Variants in MKLN1 observed in about 807,000 individuals in gnomAD.
MKLN1 encodes muskelin.
In MKLN1, 18 loss-of-function variants were observed where a neutral mutation model predicts 99.0. That is an observed-to-expected ratio of 0.18 (90% CI 0.13 to 0.27). The LOEUF (loss-of-function observed/expected upper bound fraction) is 0.27. MKLN1 is among the 10% of genes least tolerant of loss of function. MKLN1 has a pLI of 1.00. For synonymous variants in MKLN1, 288 were observed against 293.2 expected (o/e 0.98, Z 0.18); for missense variants, 621 against 875.9 (o/e 0.71, Z 3.67).
intron 2 of MKLN1, among the ~76,000 whole-genome samples, chr7:131,379,765 C>G (rs1793783157): frequency 6.6e-6 from 1 of 152,172 alleles, no homozygotes. Flanking sequence ...ACCCCATTCT[C>G]CACGATGTGC....
At chr7:131,114,079 T>C (rs1280224131) in intron 1 of MKLN1, among the ~76,000 whole-genome samples, 1 of 152,146 alleles carries the variant, frequency 6.6e-6, no homozygotes, top group Non-Finnish European at 1.5e-5. Context: ...ATGTCTAAAC[T>C]AAGGTAGCAA....
At chr7:131,316,172 C>T (rs551624130) in intron 3 of MKLN1, among the ~76,000 whole-genome samples, 3 of 152,336 alleles carry the variant, frequency 2.0e-5, no homozygotes, top group East Asian at 1.9e-4. Context: ...AACCTCCCAA[C>T]AGGGGTTGAC....
intron 6 of MKLN1, among the ~76,000 whole-genome samples, chr7:131,410,103 G>A (rs2116319319): frequency 6.6e-6 from 1 of 152,254 alleles, no homozygotes; most frequent in South Asian, 2.1e-4. Flanking sequence ...TGAGGGCCAT[G>A]GGAGTAGGGC....
intron 1 of MKLN1, among the ~76,000 whole-genome samples, chr7:131,125,735 T>C (rs1795443266): frequency 2.6e-5 from 4 of 151,988 alleles, no homozygotes. Context: ...CCTGGCACGG[T>C]GGCTCACGCC....
Position 131,474,469 on chromosome 7 carries a change from A to G in MKLN1, c.2031+3525A>G, listed in dbSNP as rs145936969. 4.8e-3 allele frequency among the ~76,000 whole-genome samples: 731 copies of G among 152,338 alleles called. 7 individuals carry two copies. Among genetic ancestry groups the G allele is most frequent in the African/African-American group, 0.016 (683 of 41,580 alleles). On this transcript the variant is annotated intron_variant, in intron 16 of 17. Transcript: ENST00000352689. Reference sequence around the variant, plus strand: ...GATATTTGAATCCAGAGTTTGGGAAAGAGGTCTGTAATATCCCTTGGTATG... The same window carrying G: ...GATATTTGAATCCAGAGTTTGGGAAGGAGGTCTGTAATATCCCTTGGTATG...
intron 2 of MKLN1, among the ~76,000 whole-genome samples, chr7:131,155,352 A>G (rs1795947804): frequency 6.6e-6 from 1 of 152,226 alleles, no homozygotes; most frequent in Admixed American, 6.5e-5. Context: ...AAAGATTAGA[A>G]TGGGCTTGTC....
At chr7:131,465,345 C>G (rs563927496) in intron 14 of MKLN1, among the ~76,000 whole-genome samples, 1 of 152,024 alleles carries the variant, frequency 6.6e-6, no homozygotes, top group African/African-American at 2.4e-5. Flanking sequence ...AAAGTGATTG[C>G]GTTTCTTCAC....
At chr7:131,258,790 G>A (rs1797693127) in intron 3 of MKLN1, among the ~76,000 whole-genome samples, 1 of 152,120 alleles carries the variant, frequency 6.6e-6, no homozygotes, top group South Asian at 2.1e-4. Flanking sequence ...TCATGAAAAA[G>A]AGTAAGGATG....
chr7:131,477,803 G>C (rs553643763), intron 16 of MKLN1, among the ~76,000 whole-genome samples: 25 of 152,288 alleles, frequency 1.6e-4, no homozygotes, highest in African/African-American at 5.8e-4. Flanking sequence ...GATACTAACT[G>C]CTCAAGTCTT....
chr7:131,193,179 T>C (rs1311641612), intron 2 of MKLN1, among the ~76,000 whole-genome samples: 1 of 152,184 alleles, frequency 6.6e-6, no homozygotes, highest in East Asian at 1.9e-4. Flanking sequence ...ATCTTCACTG[T>C]GGAGTCAAGG....
At chr7:131,261,692 GCA>G (rs1434452876) in intron 3 of MKLN1, among the ~76,000 whole-genome samples, 3 of 152,160 alleles carry the variant, frequency 2.0e-5, no homozygotes, top group Non-Finnish European at 2.9e-5. Flanking sequence ...ACACATGCAT[GCA>G]TATGTTCACT....
At chr7:131,241,327 G>A (rs898205182) in intron 3 of MKLN1, among the ~76,000 whole-genome samples, 24 of 148,526 alleles carry the variant, frequency 1.6e-4, no homozygotes, top group African/African-American at 5.5e-4. Flanking sequence ...GCAGTGAGCC[G>A]AGATTGCACC....
intron 3 of MKLN1, among the ~76,000 whole-genome samples, chr7:131,233,671 T>G (rs1423108826): frequency 2.0e-5 from 3 of 151,812 alleles, no homozygotes; most frequent in East Asian, 3.9e-4. Context: ...CGTAGAATTA[T>G]TAAATATTTA....
chr7:131,252,240 CT>C (rs1797592719), intron 3 of MKLN1, among the ~76,000 whole-genome samples: 2 of 151,838 alleles, frequency 1.3e-5, no homozygotes, highest in South Asian at 4.2e-4. Flanking sequence ...AAACAATGGA[CT>C]TGATTTAATG....
At chr7:131,454,726 A>G (rs943081308) in intron 12 of MKLN1, among the ~76,000 whole-genome samples, 3 of 152,240 alleles carry the variant, frequency 2.0e-5, no homozygotes, top group Admixed American at 1.3e-4. Flanking sequence ...ATTCTGGCCA[A>G]TGAGACATAA....
chr7:131,352,412 A>G (rs1335471535), intron 1 of MKLN1, among the ~76,000 whole-genome samples: 1 of 152,188 alleles, frequency 6.6e-6, no homozygotes, highest in Non-Finnish European at 1.5e-5. Flanking sequence ...CTTCTAGGTG[A>G]TAGAGCTAGG....
chr7:131,286,063 G>T (rs921798476), intron 3 of MKLN1, among the ~76,000 whole-genome samples: 19 of 151,346 alleles, frequency 1.3e-4, no homozygotes, highest in Admixed American at 1.3e-3. Flanking sequence ...CGATTCTCGT[G>T]CCTCCACCTC....
intron 15 of MKLN1, among the ~76,000 whole-genome samples, chr7:131,469,509 C>T (rs1040852217): frequency 6.6e-6 from 1 of 152,096 alleles, no homozygotes; most frequent in Non-Finnish European, 1.5e-5. Flanking sequence ...TGGTCTTTAC[C>T]TAAAGGACTC....
At chr7:131,306,645 G>A (rs1798471763) in intron 3 of MKLN1, among the ~76,000 whole-genome samples, 1 of 144,588 alleles carries the variant, frequency 6.9e-6, no homozygotes, top group South Asian at 2.2e-4. Flanking sequence ...TTTCTAAGCA[G>A]CAAAGCACTG....
Sources: allele counts gnomAD v4.1 joint callset (sites outside exome capture counted in the v4.1 genomes callset), GRCh38; gene constraint gnomAD v4.1.1; transcripts MANE v1.5; gene names NCBI Gene and HGNC (gene_info 2026-07-23, HGNC 2026-07-21).